The following CD36 variants were observed in gnomAD, a reference collection of about 807,000 sequenced individuals.
CD36 encodes the protein CD36 molecule (CD36 blood group), also known as platelet glycoprotein 4.
In CD36, 119 loss-of-function variants were observed where a neutral mutation model predicts 55.2. The ratio of observed to expected loss-of-function variants is 2.15; its 90% CI spans 1.86 to 2.51. The LOEUF (loss-of-function observed/expected upper bound fraction) is 2.51. Among genes scored for constraint, CD36 ranks in the 30% most tolerant of loss-of-function variants. The pLI, the probability that CD36 is intolerant of heterozygous loss-of-function variation, is 0.00. For missense variants in CD36, 819 were observed against 555.5 expected (o/e 1.47, Z -4.77); for synonymous variants, 186 against 193.6 (o/e 0.96, Z 0.33).
intron 1 of CD36, among the ~76,000 whole-genome samples, chr7:80,627,695 A>G (rs1024403310): frequency 3.9e-5 from 6 of 152,104 alleles, no homozygotes; most frequent in East Asian, 1.9e-4. Flanking sequence ...CAACTATTTC[A>G]TGATACACAT....
chr7:80,653,864 A>T (rs973606115), intron 3 of CD36, among the ~76,000 whole-genome samples: 1 of 152,136 alleles, frequency 6.6e-6, no homozygotes, highest in Non-Finnish European at 1.5e-5. Context: ...ATTTTTCTCT[A>T]TGTCTCTAAA....
Position 80,672,046 on chromosome 7 carries a change from A to G in CD36, c.1125+6A>G, listed in dbSNP as rs1219458455. On this transcript the variant is annotated splice_donor_region_variant and intron_variant, in intron 11 of 14. Transcript: ENST00000447544. ...CATACTTGGATATTGAACCTGTAAG[A>G]AAACACCTTATTGATCTGATTTGGT... The G allele has an allele frequency of 1.2e-6, 2 of 1,600,114 alleles. No individual in the cohort carries two copies. The highest frequency in any genetic ancestry group is 8.6e-7 in the Non-Finnish European group (1 of 1,169,236).
rs78125034 is a variant in CD36, at chr7:80,616,207, C to T, written c.-184+13828C>T. 8.3e-3 allele frequency among the ~76,000 whole-genome samples: 1,263 copies of T among 152,146 alleles called. 56 individuals are homozygous for T. The East Asian group carries it at 0.1, about 12-fold the overall frequency. Reference sequence around the variant, plus strand: ...TAATCTACTGGATATCATAGCTCAGCCTAGCTTATCTTATATGTGCTCAGA... The same window carrying T: ...TAATCTACTGGATATCATAGCTCAGTCTAGCTTATCTTATATGTGCTCAGA... On this transcript the variant is annotated intron_variant, in intron 1 of 13. Transcript: ENST00000309881.
intron 1 of CD36, among the ~76,000 whole-genome samples, chr7:80,641,251 A>G (rs937326427): frequency 1.3e-5 from 2 of 152,152 alleles, no homozygotes; most frequent in African/African-American, 4.8e-5. Context: ...AAACATAATC[A>G]TAGTTAAATG....
chr7:80,671,895 C>A, intron 10 of CD36, 27 bp from the exon 11 acceptor site: 1 of 1,602,876 alleles, frequency 6.2e-7, no homozygotes, highest in Non-Finnish European at 8.5e-7. Flanking sequence ...TTATTAATTC[C>A]AATTGACTCT....
intron 1 of CD36, among the ~76,000 whole-genome samples, chr7:80,641,707 G>A (rs1192370505): frequency 6.6e-6 from 1 of 152,064 alleles, no homozygotes; most frequent in South Asian, 2.1e-4. Flanking sequence ...TCAGGGCCAT[G>A]CCTTTTCTGG....
chr7:80,663,819 A>G (rs966970912), intron 6 of CD36, among the ~76,000 whole-genome samples: 2 of 152,170 alleles, frequency 1.3e-5, no homozygotes, highest in African/African-American at 2.4e-5. Context: ...ATTTGGCACT[A>G]TATGTGAATA....
At chr7:80,633,800 GATAAA>G (rs1351536598), upstream of CD36, among the ~76,000 whole-genome samples, 2 of 151,978 alleles carry the variant, frequency 1.3e-5, no homozygotes, top group Non-Finnish European at 2.9e-5. Flanking sequence ...AGATTAAAGT[GATAAA>G]ATAAATGTTG....
At chr7:80,647,258 C>CTGTGTGTG (rs3138813) in intron 3 of CD36, 21,949 of 204,758 alleles carry the variant, frequency 0.11, 1,965 homozygotes, top group East Asian at 0.25. Flanking sequence ...AAAAGTAAAA[C>CTGTGTGTG]TGTGTGTGTG....
At chr7:80,627,362 T>G (rs1793798915) in intron 1 of CD36, among the ~76,000 whole-genome samples, 1 of 152,026 alleles carries the variant, frequency 6.6e-6, no homozygotes, top group Non-Finnish European at 1.5e-5. Flanking sequence ...GGTTATTTTC[T>G]TGGAATTAAT....
chr7:80,663,642 T>A (rs755947492), intron 6 of CD36, among the ~76,000 whole-genome samples: 5 of 152,190 alleles, frequency 3.3e-5, no homozygotes, highest in Non-Finnish European at 7.4e-5. Flanking sequence ...AGACTTCATT[T>A]TAATGGGATT....
At position 80,671,129 on chromosome 7, in the gene CD36, C is replaced by T. The variant is rs751804837; in HGVS notation, c.971C>T (p.Ser324Leu). The T allele has an allele frequency of 6.2e-7, 1 of 1,612,866 alleles. No homozygotes were observed. Among genetic ancestry groups the T allele is most frequent in the Admixed American group, 1.7e-5 (1 of 59,990 alleles). The change falls in exon 10 of 15, where the codon TCA becomes TTA. Residue 324 changes from serine (S) to leucine (L), a missense_variant. By Grantham distance (145) the Ser-to-Leu change is moderately radical. Transcript: ENST00000447544. The part of the protein sequence containing the change: ...TEKIISKNCT[S>L]YGVLDISKCK... ...AAAATTATCTCAAAAAATTGTACATCATATGGTGTGCTAGACATCAGCAAA... is the reference window on the plus strand; with the variant it reads ...AAAATTATCTCAAAAAATTGTACATTATATGGTGTGCTAGACATCAGCAAA...
chr7:80,603,735 A>G (rs1268147607), intron 1 of CD36, among the ~76,000 whole-genome samples: 1 of 150,874 alleles, frequency 6.6e-6, no homozygotes, highest in Non-Finnish European at 1.5e-5. Flanking sequence ...CCTGGGGAAA[A>G]GATAAGCTCT....
chr7:80,622,912 A>G lies in CD36; in HGVS notation c.-184+20533A>G, dbSNP rs1370018549. On this transcript the variant is annotated intron_variant, in intron 1 of 13. Transcript: ENST00000309881. ...GCATTATTGGGTTGTCTTGGTAAAT[A>G]TTGGTAACTTCAATAACCAAGAATG... 2.0e-5 allele frequency among the ~76,000 whole-genome samples: 3 copies of G among 152,138 alleles called. No homozygotes were observed. The East Asian group carries it at 5.8e-4, about 29-fold the overall frequency.
intron 5 of CD36, 116 bp downstream of exon 5, chr7:80,661,326 T>C (rs990747695): frequency 1.1e-4 from 111 of 974,530 alleles, no homozygotes; most frequent in Non-Finnish European, 1.6e-4. Flanking sequence ...CAAAACGTAT[T>C]CCTATATCAT....
chr7:80,662,939 T>C (rs1331915782), intron 5 of CD36, 51 bp from the exon 6 acceptor site: 1 of 1,418,158 alleles, frequency 7.1e-7, no homozygotes, highest in East Asian at 2.3e-5. Context: ...CATTTATTTG[T>C]TAAAATCTAA....
chr7:80,669,921 A>C, intron 8 of CD36, 32 bp from the exon 9 acceptor site: 1 of 1,506,668 alleles, frequency 6.6e-7, no homozygotes, highest in Non-Finnish European at 9.2e-7. Flanking sequence ...CACACATTAC[A>C]TCTAATCATT....
chr7:80,613,024 T>C (rs1792959905), intron 1 of CD36, among the ~76,000 whole-genome samples: 2 of 152,096 alleles, frequency 1.3e-5, no homozygotes, highest in Non-Finnish European at 2.9e-5. Context: ...CATCCCATGC[T>C]AATAATCTAC....
At position 80,604,350 on chromosome 7, in the gene CD36, A is replaced by ATTTTT. The variant is rs67213422; in HGVS notation, c.-184+2007_-184+2011dup. Among the ~76,000 whole-genome samples the ATTTTT allele has an allele frequency of 3.7e-3, 203 of 54,284 alleles. 37 individuals are homozygous for ATTTTT. Among genetic ancestry groups the ATTTTT allele is most frequent in the Non-Finnish European group, 4.8e-3 (116 of 24,052 alleles). 35.6% of individuals were successfully genotyped at this position (54,284 alleles called of 152,430 possible). ...TACAGTAATTGGCTAAGCCACTGGA[A>ATTTTT]TTTTTTTTTTTTTTTTTTTTTTTTT... On this transcript the variant is annotated intron_variant, in intron 1 of 13. Transcript: ENST00000309881.
Sources: allele counts gnomAD v4.1 joint callset (sites outside exome capture counted in the v4.1 genomes callset), GRCh38; gene constraint gnomAD v4.1.1; transcripts MANE v1.5; gene names NCBI Gene and HGNC (gene_info 2026-07-23, HGNC 2026-07-21).